SYCP2L: variants seen among roughly 807,000 people sequenced by gnomAD.
The protein encoded by SYCP2L is synaptonemal complex protein 2-like.
SYCP2L carries 98 observed loss-of-function variants against 125.8 expected under a neutral mutation model. That is an observed-to-expected ratio of 0.78 (90% CI 0.66 to 0.92). SYCP2L has a LOEUF of 0.92. Ranked by LOEUF, SYCP2L falls within the 40% of genes least tolerant of loss-of-function variation. The pLI, the probability that SYCP2L is intolerant of heterozygous loss-of-function variation, is 0.00. For synonymous variants in SYCP2L, 317 were observed against 325.4 expected (o/e 0.97, Z 0.28); for missense variants, 842 against 936.4 (o/e 0.90, Z 1.32).
chr6:10,963,440 C>T (rs1020782368), intron 28 of SYCP2L: 9 of 284,462 alleles, frequency 3.2e-5, no homozygotes, highest in Non-Finnish European at 4.7e-5. Context: ...TCAGTGATGG[C>T]GTATGTGTTT....
intron 6 of SYCP2L, among the ~76,000 whole-genome samples, chr6:10,899,167 A>G (rs1211215343): frequency 6.6e-6 from 1 of 152,260 alleles, no homozygotes; most frequent in African/African-American, 2.4e-5. Context: ...GCTGATTCAG[A>G]TGCCTTTCTC....
At position 10,930,461 on chromosome 6, in the gene SYCP2L, C is replaced by A. The variant is rs777911100; in HGVS notation, c.1580C>A (p.Ser527Tyr). Residue 527 changes from serine to tyrosine, a missense_variant, in exon 19 of 30, where the codon TCC becomes TAC. Transcript: ENST00000283141. ...LSWTSNQKKKSLKSYSSRKKT... is the reference protein window; with the variant it reads ...LSWTSNQKKKYLKSYSSRKKT... ...TGGACCAGTAACCAGAAAAAGAAAT[C>A]CCTAAAATCATATTCCAGTAGAAAG... The A allele has an allele frequency of 6.2e-7, 1 of 1,613,510 alleles. No individual in the cohort carries two copies. The highest frequency in any genetic ancestry group is 8.5e-7 in the Non-Finnish European group (1 of 1,179,738).
intron 1 of SYCP2L, among the ~76,000 whole-genome samples, chr6:10,889,138 G>A (rs1780133904): frequency 3.9e-5 from 6 of 152,172 alleles, no homozygotes; most frequent in Admixed American, 3.9e-4. Flanking sequence ...GGGATTACAG[G>A]CGTGAGCCAC....
At chr6:10,964,276 A>G (rs1781642823) in intron 29 of SYCP2L, among the ~76,000 whole-genome samples, 1 of 151,914 alleles carries the variant, frequency 6.6e-6, no homozygotes, top group Non-Finnish European at 1.5e-5. Flanking sequence ...CTTTATAGCA[A>G]TTTCTCCCAT....
Position 10,958,870 on chromosome 6 carries a change from G to C in SYCP2L, c.2250G>C (p.Leu750=), listed in dbSNP as rs368885386. The C allele has an allele frequency of 6.2e-7, 1 of 1,613,604 alleles. No individual in the cohort carries two copies. The highest frequency in any genetic ancestry group is 1.3e-5 in the African/African-American group (1 of 74,918). The part of the protein sequence containing the change: ...CLIKLLNQMQ[L]FRLNKLERFQ... ...TAAAACTTTTAAACCAGATGCAACTGTTCAGGTAAGTTTTAGGTTTCAAAA... is the reference window on the plus strand; with the variant it reads ...TAAAACTTTTAAACCAGATGCAACTCTTCAGGTAAGTTTTAGGTTTCAAAA... Residue 750 remains leucine, a synonymous_variant, in exon 26 of 30, where the codon CTG becomes CTC. Transcript: ENST00000283141.
intron 14 of SYCP2L, among the ~76,000 whole-genome samples, chr6:10,920,889 A>G (rs1780787961): frequency 6.6e-6 from 1 of 151,454 alleles, no homozygotes; most frequent in African/African-American, 2.4e-5. Flanking sequence ...CAGGTTTGTT[A>G]CATAGGTGCA....
Position 10,961,335 on chromosome 6 carries a change from G to C in SYCP2L, c.2286G>C (p.Leu762Phe). Residue 762 changes from leucine (L) to phenylalanine (F), a missense_variant, in exon 27 of 30, where the codon TTG becomes TTC. Coordinates refer to ENST00000283141, the MANE Select transcript of SYCP2L (RefSeq NM_001040274.3). ...RLNKLERFQNLVLQELSSLKQ... is the reference protein window; with the variant it reads ...RLNKLERFQNFVLQELSSLKQ... Reference sequence around the variant, plus strand: ...ATAAACTAGAGCGCTTTCAAAATTTGGTTCTTCAAGAGTTGAGCAGTCTTA... The same window carrying C: ...ATAAACTAGAGCGCTTTCAAAATTTCGTTCTTCAAGAGTTGAGCAGTCTTA... 6.2e-7 allele frequency: 1 copy of C among 1,614,072 alleles called. No homozygotes were observed. Among genetic ancestry groups the C allele is most frequent in the Non-Finnish European group, 8.5e-7 (1 of 1,179,998 alleles).
At position 10,912,379 on chromosome 6, in the gene SYCP2L, G is replaced by A. The variant is rs533199372; in HGVS notation, c.919-294G>A. On this transcript the variant is annotated intron_variant, in intron 12 of 29. Transcript: ENST00000283141. The surrounding 1 kb of genome is among the most constrained non-coding windows in gnomAD (Gnocchi z 4.1). ...GATTCAACATAGAACTGTTTTCTCC[G>A]TGATTTTCATTAGAAAAAAAATTGT... Among the ~76,000 whole-genome samples, 19 of 152,072 alleles carry A rather than the reference G, an allele frequency of 1.2e-4. No homozygotes were observed. Among genetic ancestry groups the A allele is most frequent in the African/African-American group, 3.4e-4 (14 of 41,476 alleles).
intron 2 of SYCP2L, among the ~76,000 whole-genome samples, chr6:10,892,195 G>A (rs183727925): frequency 6.6e-6 from 1 of 152,318 alleles, no homozygotes; most frequent in Non-Finnish European, 1.5e-5. Context: ...ACTTATCCTA[G>A]GACTCATTAG....
At chr6:10,924,749 C>G in intron 15 of SYCP2L, 108 bp downstream of exon 15, 1 of 1,112,790 alleles carries the variant, frequency 9.0e-7, no homozygotes, top group Non-Finnish European at 1.2e-6. Context: ...AGCAGAAAAC[C>G]TGGTCTTTCA....
At chr6:10,907,291 C>T (rs941949236) in intron 9 of SYCP2L, among the ~76,000 whole-genome samples, 3 of 151,230 alleles carry the variant, frequency 2.0e-5, no homozygotes, top group South Asian at 2.1e-4. Context: ...TGCAGTGAGT[C>T]GAGATTGGGC....
chr6:10,941,908 T>C (rs1781227387), intron 21 of SYCP2L, among the ~76,000 whole-genome samples: 1 of 152,092 alleles, frequency 6.6e-6, no homozygotes, highest in South Asian at 2.1e-4. Context: ...CCAACCCAAA[T>C]GTCCAACAAC....
At position 10,898,852 on chromosome 6, in the gene SYCP2L, A is replaced by G. The variant is rs769453908; in HGVS notation, c.466+4A>G. 2.2e-6 allele frequency: 3 copies of G among 1,377,316 alleles called. No homozygotes were observed. Among genetic ancestry groups the G allele is most frequent in the South Asian group, 2.3e-5 (2 of 85,118 alleles). The allele number at this position is 1,377,316 out of a possible 1,614,324, so 85.3% of individuals were successfully genotyped here. A position where few individuals can be genotyped will look rare whatever the true frequency, so the allele number is the denominator to read the frequency against. ...ATTTCCAGGAGTAGTAGTGAAGGTAAGTATATTATTGGCTACTAATTGGCT... is the reference window on the plus strand; with the variant it reads ...ATTTCCAGGAGTAGTAGTGAAGGTAGGTATATTATTGGCTACTAATTGGCT... On this transcript the variant is annotated splice_donor_region_variant and intron_variant, in intron 6 of 29. Transcript: ENST00000283141.
At chr6:10,951,960 T>C (rs79528170) in intron 23 of SYCP2L, among the ~76,000 whole-genome samples, 4,211 of 152,288 alleles carry the variant, frequency 0.028, 171 homozygotes, top group East Asian at 0.21. Flanking sequence ...CCTCAGATTG[T>C]ACCTGTCTTC....
chr6:10,927,276 T>C lies in SYCP2L; in HGVS notation c.1349T>C (p.Met450Thr). 6.2e-7 allele frequency: 1 copy of C among 1,614,194 alleles called. No homozygotes were observed. The highest frequency in any genetic ancestry group is 8.5e-7 in the Non-Finnish European group (1 of 1,180,028). Reference protein sequence around the residue: ...AEESTNMVEFMSAEDDRCLIT... With the variant: ...AEESTNMVEFTSAEDDRCLIT... ...GAATCCACTAACATGGTGGAGTTTATGAGTGCTGAAGATGACCGCTGCCTA... is the reference window on the plus strand; with the variant it reads ...GAATCCACTAACATGGTGGAGTTTACGAGTGCTGAAGATGACCGCTGCCTA... Residue 450 changes from methionine to threonine, a missense_variant, in exon 17 of 30, where the codon ATG becomes ACG. Coordinates refer to ENST00000283141, the MANE Select transcript of SYCP2L (RefSeq NM_001040274.3).
At chr6:10,887,219 G>T in intron 1 of SYCP2L, 84 bp downstream of exon 1, 1 of 1,583,984 alleles carries the variant, frequency 6.3e-7, no homozygotes, top group Non-Finnish European at 8.6e-7. Flanking sequence ...CTCAGGTTCT[G>T]CCGCCTTGAG....
intron 14 of SYCP2L, among the ~76,000 whole-genome samples, chr6:10,917,079 A>G (rs1048325212): frequency 3.3e-5 from 5 of 152,168 alleles, no homozygotes; most frequent in Admixed American, 2.6e-4. Context: ...TCTATCTTGG[A>G]GAAAGTTCCA....
chr6:10,967,523 T>C (rs1041489740), intron 29 of SYCP2L, among the ~76,000 whole-genome samples: 1 of 144,550 alleles, frequency 6.9e-6, no homozygotes, highest in African/African-American at 2.6e-5. Flanking sequence ...GAAAAACCAT[T>C]AGAAGTAGAT....
At chr6:10,945,762 T>C (rs930856666) in intron 23 of SYCP2L, among the ~76,000 whole-genome samples, 2 of 87,554 alleles carry the variant, frequency 2.3e-5, no homozygotes, top group Non-Finnish European at 4.1e-5. Context: ...AGAGTGAGAC[T>C]CCATCTTAAA....
Sources: gnomAD v4.1 joint callset for allele counts (sites outside exome capture counted in the v4.1 genomes callset) on GRCh38, gnomAD v4.1.1 for gene constraint, Gnocchi (gnomAD v3.1) non-coding constraint, MANE v1.5 for transcripts, NCBI Gene and HGNC (gene_info 2026-07-23, HGNC 2026-07-21) for gene names.